The following CCSER1 variants were observed in gnomAD, a reference collection of about 807,000 sequenced individuals.
CCSER1 encodes the protein serine-rich coiled-coil domain-containing protein 1.
CCSER1 carries 41 observed loss-of-function variants against 82.0 expected under a neutral mutation model. The observed-to-expected ratio is 0.50, with a 90% CI of 0.39 to 0.65. CCSER1 has a LOEUF of 0.65. Among genes scored for constraint, CCSER1 ranks in the 30% least tolerant of loss-of-function variants. The probability of loss-of-function intolerance (pLI) is 0.00; values close to 1 mark genes in which losing one functional copy is unlikely to be tolerated. For missense variants in CCSER1, 1,119 were observed against 1,064.2 expected, an observed-to-expected ratio of 1.05 and a Z score of -0.72; for synonymous variants, 414 against 383.9, an observed-to-expected ratio of 1.08 and a Z score of -0.92.
intron 3 of CCSER1, among the ~76,000 whole-genome samples, chr4:90,372,248 C>T (rs572539710): frequency 6.6e-6 from 1 of 152,020 alleles, no homozygotes; most frequent in East Asian, 1.9e-4. Flanking sequence ...GTGGTCTAAT[C>T]TAAATAATTT....
chr4:90,480,458 TAC>T (rs1271622372), intron 5 of CCSER1, among the ~76,000 whole-genome samples: 59 of 152,316 alleles, frequency 3.9e-4, no homozygotes, highest in African/African-American at 1.4e-3. Context: ...TGCCCATGCC[TAC>T]ATCCTGAATG....
chr4:90,807,976 C>G (rs1279254163), intron 7 of CCSER1, among the ~76,000 whole-genome samples: 1 of 152,028 alleles, frequency 6.6e-6, no homozygotes, highest in African/African-American at 2.4e-5. Flanking sequence ...CTGGAGGCAT[C>G]ATATTACTTC....
At chr4:91,455,848 A>T (rs945312881) in intron 10 of CCSER1, among the ~76,000 whole-genome samples, 1 of 152,096 alleles carries the variant, frequency 6.6e-6, no homozygotes, top group African/African-American at 2.4e-5. Context: ...GGAAAGTTGT[A>T]TATGCACAGG....
intron 10 of CCSER1, among the ~76,000 whole-genome samples, chr4:91,416,626 G>T (rs1159731812): frequency 1.3e-5 from 2 of 152,162 alleles, no homozygotes; most frequent in African/African-American, 4.8e-5. Flanking sequence ...TTTAATAAGT[G>T]GTGCCGGGAG....
chr4:91,371,414 A>C (rs538276536), intron 10 of CCSER1, among the ~76,000 whole-genome samples: 5 of 152,144 alleles, frequency 3.3e-5, no homozygotes, highest in Admixed American at 1.3e-4. Context: ...AAATATTTGA[A>C]GTTTTCTTTT....
chr4:90,399,937 G>A, intron 3 of CCSER1, 99 bp from the exon 4 acceptor site: 1 of 588,770 alleles, frequency 1.7e-6, no homozygotes, highest in South Asian at 2.7e-5. Context: ...TTTTCATTCT[G>A]ATTTGGAATT....
chr4:90,945,771 A>G (rs1010137711), intron 9 of CCSER1, among the ~76,000 whole-genome samples: 2 of 152,240 alleles, frequency 1.3e-5, no homozygotes, highest in South Asian at 2.1e-4. Context: ...TTCTCCAGGC[A>G]TCATTGAACT....
intron 1 of CCSER1, among the ~76,000 whole-genome samples, chr4:90,188,610 A>G (rs930235138): frequency 6.6e-6 from 1 of 151,994 alleles, no homozygotes; most frequent in African/African-American, 2.4e-5. Context: ...ACTAGAAACT[A>G]TAGTTTTGTG....
chr4:90,663,248 C>T (rs1005039193), intron 6 of CCSER1, among the ~76,000 whole-genome samples: 1 of 152,118 alleles, frequency 6.6e-6, no homozygotes, highest in Non-Finnish European at 1.5e-5. Context: ...TTATTTCTTA[C>T]AATTTTCTAT....
chr4:91,271,263 A>ATAGTACTT (rs146616704), intron 10 of CCSER1, among the ~76,000 whole-genome samples: 2,560 of 152,116 alleles, frequency 0.017, 92 homozygotes, highest in African/African-American at 0.059. Flanking sequence ...TTTCTGTAGC[A>ATAGTACTT]TAGTACTTTT....
intron 10 of CCSER1, among the ~76,000 whole-genome samples, chr4:91,328,266 C>T (rs1470921468): frequency 6.6e-6 from 1 of 152,146 alleles, no homozygotes; most frequent in Admixed American, 6.5e-5. Flanking sequence ...AATTGACTCA[C>T]AGTTACACAG....
At chr4:90,701,218 C>T (rs910647920) in intron 6 of CCSER1, among the ~76,000 whole-genome samples, 2 of 152,152 alleles carry the variant, frequency 1.3e-5, no homozygotes, top group Non-Finnish European at 2.9e-5. Flanking sequence ...CCAGTTTTCC[C>T]AGCACCATTT....
At chr4:91,166,040 C>T (rs370299297) in intron 10 of CCSER1, among the ~76,000 whole-genome samples, 10 of 152,308 alleles carry the variant, frequency 6.6e-5, no homozygotes, top group African/African-American at 2.4e-4. Flanking sequence ...TAGATCGGAT[C>T]TGTTCCTATT....
Position 90,451,510 on chromosome 4 carries a change from C to T in CCSER1, c.1604-16724C>T, listed in dbSNP as rs182274518. 1.5e-3 allele frequency among the ~76,000 whole-genome samples: 236 copies of T among 152,278 alleles called. 1 individual carries two copies. The highest frequency in any genetic ancestry group is 0.014 in the Middle Eastern group (4 of 294). ...TTCTTACCTGAGAACAACCTTTGAG[C>T]ACTTGACAGGTTTTATCTTTATCAA... On this transcript the variant is annotated intron_variant, in intron 4 of 10. Coordinates refer to ENST00000509176, the MANE Select transcript of CCSER1 (RefSeq NM_001145065.2).
intron 6 of CCSER1, among the ~76,000 whole-genome samples, chr4:90,697,570 T>C (rs1737208176): frequency 6.6e-6 from 1 of 152,114 alleles, no homozygotes; most frequent in African/African-American, 2.4e-5. Flanking sequence ...GACACTACAT[T>C]TCCCCCGCCC....
intron 8 of CCSER1, chr4:90,918,135 A>G: frequency 3.2e-6 from 1 of 308,074 alleles, no homozygotes; most frequent in Non-Finnish European, 6.6e-6. Flanking sequence ...GTATGTAATC[A>G]CTATTATATA....
chr4:90,729,696 A>G (rs952854421), intron 7 of CCSER1, among the ~76,000 whole-genome samples: 1 of 152,072 alleles, frequency 6.6e-6, no homozygotes, highest in Non-Finnish European at 1.5e-5. Flanking sequence ...TAACAGGGTG[A>G]AATCCCGTCT....
chr4:91,128,443 C>T (rs1350220282), intron 10 of CCSER1, among the ~76,000 whole-genome samples: 7 of 151,992 alleles, frequency 4.6e-5, no homozygotes, highest in South Asian at 2.1e-4. Context: ...TCAACTAAAA[C>T]GACCCCCATT....
chr4:91,377,592 GGTT>G (rs1463474730), intron 10 of CCSER1, among the ~76,000 whole-genome samples: 21 of 152,046 alleles, frequency 1.4e-4, no homozygotes, highest in Non-Finnish European at 2.9e-4. Flanking sequence ...GTTTTGATGG[GGTT>G]GTTTGTTTTT....
Sources: allele counts gnomAD v4.1 joint callset (sites outside exome capture counted in the v4.1 genomes callset), GRCh38; gene constraint gnomAD v4.1.1; transcripts MANE v1.5; gene names NCBI Gene and HGNC (gene_info 2026-07-23, HGNC 2026-07-21).